Variants in KLHL3 observed in about 807,000 individuals in gnomAD.
KLHL3 encodes kelch like family member 3.
Under a neutral mutation model 70.5 loss-of-function variants are expected in KLHL3, and 19 were observed. The observed-to-expected ratio is 0.27, with a 90% CI of 0.19 to 0.40. KLHL3 has a LOEUF of 0.40. KLHL3 is among the 10% of genes least tolerant of loss of function. The pLI, the probability that KLHL3 is intolerant of heterozygous loss-of-function variation, is 1.00. For synonymous variants in KLHL3, 258 were observed against 290.3 expected (o/e 0.89, Z 1.13); for missense variants, 512 against 771.1 (o/e 0.66, Z 3.98).
chr5:137,689,897 T>C (rs1752274418), intron 5 of KLHL3, among the ~76,000 whole-genome samples: 2 of 152,236 alleles, frequency 1.3e-5, no homozygotes. Context: ...GGGTGGGATA[T>C]GTGCTAGGTG....
intron 4 of KLHL3, among the ~76,000 whole-genome samples, chr5:137,696,146 C>T (rs1358683147): frequency 1.3e-5 from 2 of 152,084 alleles, no homozygotes; most frequent in East Asian, 3.9e-4. Context: ...CTTCCTCTAG[C>T]AAAAACAAAA....
At chr5:137,631,785 A>T (rs964250137) in intron 12 of KLHL3, among the ~76,000 whole-genome samples, 1 of 152,222 alleles carries the variant, frequency 6.6e-6, no homozygotes, top group African/African-American at 2.4e-5. Context: ...CTTTCAAAAG[A>T]TATAAACACC....
chr5:137,691,860 C>T (rs558614914), intron 5 of KLHL3, among the ~76,000 whole-genome samples: 16 of 152,160 alleles, frequency 1.1e-4, no homozygotes, highest in South Asian at 2.1e-4. Context: ...CCTCATGACC[C>T]GCCTGCCTCA....
At chr5:137,638,207 T>C (rs1295134779) in intron 10 of KLHL3, among the ~76,000 whole-genome samples, 1 of 152,146 alleles carries the variant, frequency 6.6e-6, no homozygotes, top group East Asian at 1.9e-4. Context: ...CCAGAGGGGC[T>C]AAAGACCCTG....
chr5:137,671,660 T>A (rs1313388720), intron 6 of KLHL3: 1 of 152,194 alleles, frequency 6.6e-6, no homozygotes, highest in Non-Finnish European at 1.5e-5. Context: ...GTTGTGAGGA[T>A]TAGAAATGAT....
At chr5:137,666,182 T>A (rs973881826) in intron 6 of KLHL3, among the ~76,000 whole-genome samples, 2 of 152,180 alleles carry the variant, frequency 1.3e-5, no homozygotes, top group African/African-American at 4.8e-5. Flanking sequence ...GAGTTCAGAA[T>A]AAGCATGGAA....
chr5:137,707,200 G>A (rs745335661), intron 3 of KLHL3, among the ~76,000 whole-genome samples: 12 of 152,286 alleles, frequency 7.9e-5, no homozygotes, highest in African/African-American at 1.4e-4. Flanking sequence ...TTTGGGAGCC[G>A]AAGCAGGTGG....
At chr5:137,672,818 G>A (rs1028558270) in intron 6 of KLHL3, 4 of 152,216 alleles carry the variant, frequency 2.6e-5, no homozygotes, top group African/African-American at 9.7e-5. Context: ...CTGGGTCACT[G>A]GGTCACTGAG....
intron 8 of KLHL3, among the ~76,000 whole-genome samples, chr5:137,641,582 A>G (rs1294176549): frequency 6.6e-6 from 1 of 152,220 alleles, no homozygotes; most frequent in Non-Finnish European, 1.5e-5. Context: ...AGAAGTGCCC[A>G]TCAAAATCTG....
chr5:137,703,738 G>A (rs1000902131), intron 3 of KLHL3, among the ~76,000 whole-genome samples: 6 of 152,080 alleles, frequency 3.9e-5, no homozygotes, highest in Non-Finnish European at 2.9e-5. Flanking sequence ...GAACCACAGT[G>A]ATAGACACCG....
intron 6 of KLHL3, among the ~76,000 whole-genome samples, chr5:137,668,976 T>G (rs1370898381): frequency 6.6e-6 from 1 of 152,146 alleles, no homozygotes; most frequent in African/African-American, 2.4e-5. Flanking sequence ...CCAGTTGAAT[T>G]CTTCTTTCTG....
At chr5:137,720,188 T>C (rs1752970494) in intron 2 of KLHL3, among the ~76,000 whole-genome samples, 1 of 151,768 alleles carries the variant, frequency 6.6e-6, no homozygotes, top group Admixed American at 6.6e-5. Context: ...TAATCCCAGC[T>C]ACTCGGGAGG....
At chr5:137,720,797 G>C in intron 1 of KLHL3, 1 of 1,394,736 alleles carries the variant, frequency 7.2e-7, no homozygotes, top group Non-Finnish European at 9.3e-7. Context: ...TCATAGCTCA[G>C]CTTCTTCCAC....
chr5:137,636,365 G>A (rs914415211), intron 11 of KLHL3, among the ~76,000 whole-genome samples: 6 of 152,198 alleles, frequency 3.9e-5, no homozygotes, highest in African/African-American at 1.4e-4. Context: ...CTGCATACAC[G>A]TCTGAATGAA....
At chr5:137,624,906 A>G (rs186105764) in intron 14 of KLHL3, among the ~76,000 whole-genome samples, 31 of 152,206 alleles carry the variant, frequency 2.0e-4, no homozygotes, top group Admixed American at 1.8e-3. Context: ...ACACTCCCCA[A>G]GAAGCTTCCA....
Position 137,735,772 on chromosome 5 carries a change from G to A in KLHL3, c.-126C>T. ...TCAGCAACAGTGATTCAGCATGGCT[G>A]CAAGTGAAGCCTCCTCCCTTCTCAA... On this transcript the variant is annotated 5_prime_UTR_variant, in exon 1 of 15. Coordinates refer to ENST00000309755, the MANE Select transcript of KLHL3 (RefSeq NM_017415.3). 7.8e-7 allele frequency: 1 copy of A among 1,280,268 alleles called. No individual in the cohort carries two copies. Among genetic ancestry groups the A allele is most frequent in the Non-Finnish European group, 1.1e-6 (1 of 877,940 alleles). The allele number at this position is 1,280,268 out of a possible 1,614,324, so 79.3% of individuals were successfully genotyped here. A position where few individuals can be genotyped will look rare whatever the true frequency, so the allele number is the denominator to read the frequency against.
chr5:137,664,522 A>G (rs1439655186), intron 6 of KLHL3, among the ~76,000 whole-genome samples: 1 of 152,050 alleles, frequency 6.6e-6, no homozygotes, highest in African/African-American at 2.4e-5. Context: ...TCACCAATGG[A>G]TGCTAAAATC....
Position 137,658,137 on chromosome 5 carries a change from A to G in KLHL3, c.897T>C (p.Leu299=). 5 of 1,612,260 alleles carry G rather than the reference A, an allele frequency of 3.1e-6. No individual in the cohort carries two copies. The highest frequency in any genetic ancestry group is 4.2e-6 in the Non-Finnish European group (5 of 1,179,598). The change falls in exon 8 of 15, where the codon CTT becomes CTC. Residue 299 remains leucine, a synonymous_variant. Coordinates refer to ENST00000309755, the MANE Select transcript of KLHL3 (RefSeq NM_017415.3). Reference sequence around the variant, plus strand: ...TGATTGGGCTGGGGCTTACCTTGGGAAGGCTGACTGGAGTCCTGGGCTTGG... The same window carrying G: ...TGATTGGGCTGGGGCTTACCTTGGGGAGGCTGACTGGAGTCCTGGGCTTGG... ...PRTKPRTPVS[L]PKVMIVVGGQ... is the part of the protein sequence containing the mutation.
intron 3 of KLHL3, among the ~76,000 whole-genome samples, chr5:137,704,515 C>T (rs1449350328): frequency 2.0e-5 from 3 of 152,226 alleles, no homozygotes; most frequent in South Asian, 4.1e-4. Context: ...AAAGAGGCCC[C>T]CACATCACCA....
Sources: gnomAD v4.1 joint callset for allele counts (sites outside exome capture counted in the v4.1 genomes callset) on GRCh38, gnomAD v4.1.1 for gene constraint, MANE v1.5 for transcripts, NCBI Gene and HGNC (gene_info 2026-07-23, HGNC 2026-07-21) for gene names.